RAB8B: variants seen among roughly 807,000 people sequenced by gnomAD.
RAB8B encodes ras-related protein Rab-8B.
A neutral mutation model predicts 32.0 loss-of-function variants in RAB8B; 11 were observed. The ratio of observed to expected loss-of-function variants is 0.34; its 90% CI spans 0.22 to 0.57. The LOEUF (loss-of-function observed/expected upper bound fraction) is 0.57. Ranked by LOEUF, RAB8B falls within the 20% of genes least tolerant of loss-of-function variation. The probability of loss-of-function intolerance (pLI) is 0.86; values close to 1 mark genes in which losing one functional copy is unlikely to be tolerated. For missense variants in RAB8B, 190 were observed against 258.5 expected (o/e 0.73, Z 1.82); for synonymous variants, 103 against 89.6 (o/e 1.15, Z -0.85).
chr15:63,204,095 T>C (rs961946706), intron 1 of RAB8B, among the ~76,000 whole-genome samples: 1 of 152,126 alleles, frequency 6.6e-6, no homozygotes, highest in African/African-American at 2.4e-5. Context: ...GTTTTTTTTT[T>C]AATCCAGGTA....
At chr15:63,229,678 G>A (rs1567015227) in intron 1 of RAB8B, among the ~76,000 whole-genome samples, 2 of 150,842 alleles carry the variant, frequency 1.3e-5, no homozygotes, top group South Asian at 4.2e-4. Context: ...CTACTCAGGA[G>A]GCTGAGGCAC....
intron 1 of RAB8B, among the ~76,000 whole-genome samples, chr15:63,237,184 T>G (rs2037988202): frequency 6.6e-6 from 1 of 152,240 alleles, no homozygotes; most frequent in African/African-American, 2.4e-5. Flanking sequence ...ATCTTGGCTA[T>G]TGTGAATAGT....
intron 2 of RAB8B, among the ~76,000 whole-genome samples, chr15:63,246,898 T>C (rs1237689581): frequency 6.6e-6 from 1 of 152,200 alleles, no homozygotes; most frequent in Non-Finnish European, 1.5e-5. Context: ...AAACACTTTG[T>C]TGGAGATTCC....
Position 63,259,676 on chromosome 15 carries a change from G to T in RAB8B, c.464G>T (p.Ser155Ile). 6.2e-7 allele frequency: 1 copy of T among 1,613,994 alleles called. No individual in the cohort carries two copies. The highest frequency in any genetic ancestry group is 8.5e-7 in the Non-Finnish European group (1 of 1,179,866). Residue 155 changes from serine to isoleucine, a missense_variant, in exon 6 of 8, where the codon AGT becomes ATT. Coordinates refer to ENST00000321437, the MANE Select transcript of RAB8B (RefSeq NM_016530.3). The surrounding 1 kb of genome is among the most constrained non-coding windows in gnomAD (Gnocchi z 4.4). ...IKFLETSAKS[S>I]ANVEEAFFTL... Reference sequence around the variant, plus strand: ...TTCTTGGAGACAAGCGCAAAATCCAGTGCAAATGTAGAAGAGGTAAGAAGG... The same window carrying T: ...TTCTTGGAGACAAGCGCAAAATCCATTGCAAATGTAGAAGAGGTAAGAAGG...
intron 1 of RAB8B, among the ~76,000 whole-genome samples, chr15:63,225,908 A>G (rs965048574): frequency 6.6e-6 from 1 of 152,092 alleles, no homozygotes; most frequent in Admixed American, 6.5e-5. Context: ...TGGCGTGATC[A>G]TAGCTCACTG....
chr15:63,203,523 C>G (rs188085773), intron 1 of RAB8B, among the ~76,000 whole-genome samples: 1 of 152,268 alleles, frequency 6.6e-6, no homozygotes, highest in African/African-American at 2.4e-5. Flanking sequence ...GAAATCAGCC[C>G]CTAGTTCACT....
At chr15:63,220,388 T>C (rs2037834337) in intron 1 of RAB8B, among the ~76,000 whole-genome samples, 2 of 152,156 alleles carry the variant, frequency 1.3e-5, no homozygotes, top group Admixed American at 6.5e-5. Context: ...TAGGCCGGTG[T>C]TTTTAATATG....
At chr15:63,236,057 C>A (rs11853804) in intron 1 of RAB8B, among the ~76,000 whole-genome samples, 91,228 of 152,004 alleles carry the variant, frequency 0.6, 27,822 homozygotes, top group East Asian at 0.8. Context: ...CGTGAATCTG[C>A]GTAAATTGCT....
At chr15:63,247,220 G>C (rs979066522) in intron 2 of RAB8B, among the ~76,000 whole-genome samples, 2 of 152,098 alleles carry the variant, frequency 1.3e-5, no homozygotes, top group African/African-American at 4.8e-5. Flanking sequence ...CTTTCACAAC[G>C]GCTCCACCCT....
rs144813105 is a variant in RAB8B, at chr15:63,197,631, C to T, written c.124+7883C>T. Among the ~76,000 whole-genome samples the T allele has an allele frequency of 2.3e-3, 354 of 152,126 alleles. 3 individuals are homozygous for T. The highest frequency in any genetic ancestry group is 7.8e-3 in the African/African-American group (323 of 41,520). Reference sequence around the variant, plus strand: ...TCAAGTAATCTGTCTGCCTCGGCCTCCCAAAGTGTTAGCATTACAGTGAGC... The same window carrying T: ...TCAAGTAATCTGTCTGCCTCGGCCTTCCAAAGTGTTAGCATTACAGTGAGC... On this transcript the variant is annotated intron_variant, in intron 1 of 7. Transcript: ENST00000321437.
At chr15:63,249,907 C>T (rs2038101301) in intron 3 of RAB8B, among the ~76,000 whole-genome samples, 1 of 151,972 alleles carries the variant, frequency 6.6e-6, no homozygotes, top group African/African-American at 2.4e-5. Context: ...GAGGCCGAGG[C>T]GGGTGGATCA....
At chr15:63,193,083 C>T (rs2037571962) in intron 1 of RAB8B, among the ~76,000 whole-genome samples, 1 of 151,936 alleles carries the variant, frequency 6.6e-6, no homozygotes, top group Admixed American at 6.6e-5. Context: ...AAAAATTAGC[C>T]AGGTGGAGTG....
At chr15:63,261,082 A>G (rs2038199684) in intron 6 of RAB8B, among the ~76,000 whole-genome samples, 1 of 152,242 alleles carries the variant, frequency 6.6e-6, no homozygotes, top group Non-Finnish European at 1.5e-5. Context: ...TCCCGCCATC[A>G]GAAATAATCC....
chr15:63,254,030 A>G (rs1272406965), intron 3 of RAB8B, among the ~76,000 whole-genome samples: 1 of 152,216 alleles, frequency 6.6e-6, no homozygotes, highest in African/African-American at 2.4e-5. Context: ...ACCCCAGCCT[A>G]GCCCTTCAGC....
chr15:63,232,872 C>T (rs1050414621), intron 1 of RAB8B, among the ~76,000 whole-genome samples: 1 of 152,046 alleles, frequency 6.6e-6, no homozygotes, highest in African/African-American at 2.4e-5. Flanking sequence ...TCCTCCTAAA[C>T]TTTAGACTTC....
chr15:63,189,808 C>T (rs1366124353), intron 1 of RAB8B, 60 bp downstream of exon 1: 1 of 589,098 alleles, frequency 1.7e-6, no homozygotes. Flanking sequence ...TACTAGGGGA[C>T]GGGGAAAGGG....
chr15:63,230,723 C>T lies in RAB8B; in HGVS notation c.125-14033C>T, dbSNP rs1187313940. On this transcript the variant is annotated intron_variant, in intron 1 of 7. Coordinates refer to ENST00000321437, the MANE Select transcript of RAB8B (RefSeq NM_016530.3). ...TATTATTATTATTTTAGAGACAGGG[C>T]CTTGCTCTGTTTCCCAGGTGGGAGT... Among the ~76,000 whole-genome samples the T allele has an allele frequency of 2.0e-5, 3 of 152,092 alleles. No individual in the cohort carries two copies. The East Asian group carries it at 5.8e-4, about 29-fold the overall frequency.
intron 1 of RAB8B, among the ~76,000 whole-genome samples, chr15:63,197,625 C>A (rs530094392): frequency 6.6e-6 from 1 of 152,160 alleles, no homozygotes; most frequent in Non-Finnish European, 1.5e-5. Flanking sequence ...CTGTCTGCCT[C>A]GGCCTCCCAA....
At position 63,267,180 on chromosome 15, in the gene RAB8B, A is replaced by T. The variant is rs1328091018; in HGVS notation, c.*3561A>T. On this transcript the variant is annotated 3_prime_UTR_variant, in exon 8 of 8. Transcript: ENST00000321437. ...TCTAGCACAATTTTAGAGTAGAATA[A>T]GTCATTTTTTTAGACTAATAAAATT... The T allele has an allele frequency of 6.6e-6, 1 of 152,582 alleles. No individual in the cohort carries two copies. 9.5% of individuals were successfully genotyped at this position (152,582 alleles called of 1,614,324 possible).
Sources: allele counts gnomAD v4.1 joint callset (sites outside exome capture counted in the v4.1 genomes callset), GRCh38; gene constraint gnomAD v4.1.1; non-coding constraint Gnocchi (gnomAD v3.1); transcripts MANE v1.5; gene names NCBI Gene and HGNC (gene_info 2026-07-23, HGNC 2026-07-21).